The following FANCD2 variants were observed in gnomAD, a reference collection of about 807,000 sequenced individuals.
FANCD2 encodes FA complementation group D2, also known as Fanconi anemia group D2 protein.
FANCD2 carries 131 observed loss-of-function variants against 192.3 expected under a neutral mutation model. The ratio of observed to expected loss-of-function variants is 0.68; its 90% confidence interval spans 0.59 to 0.79. The LOEUF (loss-of-function observed/expected upper bound fraction) is 0.79. Ranked by LOEUF, FANCD2 falls within the 30% of genes least tolerant of loss-of-function variation. The pLI is 0.00. For missense variants in FANCD2, 1,508 were observed against 1,701.6 expected (o/e 0.89, Z 2.00); for synonymous variants, 524 against 612.5 (o/e 0.86, Z 2.13).
In FANCD2 at chr3:10,036,107, A is replaced by G. The variant is rs35017428; in HGVS notation, c.439-180A>G. Among the ~76,000 whole-genome samples, 12,533 of 91,998 alleles carry G rather than the reference A, an allele frequency of 0.14. 1,308 individuals carry two copies. Among genetic ancestry groups the G allele is most frequent in the African/African-American group, 0.26 (5,700 of 21,574 alleles). The allele number at this position is 91,998 out of a possible 152,430, so 60.4% of individuals were successfully genotyped here. A position where few individuals can be genotyped will look rare whatever the true frequency, so the allele number is the denominator to read the frequency against. On this transcript the variant is annotated intron_variant, in intron 6 of 43. Transcript: ENST00000675286. ...ATTTCTTTTTTTTTTTTTTTTTTTGAGTCAGAGTCTCCTTTGTCACCCAGG... is the reference window on the plus strand; with the variant it reads ...ATTTCTTTTTTTTTTTTTTTTTTTGGGTCAGAGTCTCCTTTGTCACCCAGG...
In FANCD2 at chr3:10,035,215, G is replaced by A; in HGVS notation, c.420G>A (p.Leu140=). The A allele has an allele frequency of 1.2e-6, 2 of 1,613,692 alleles. No individual in the cohort carries two copies. The highest frequency in any genetic ancestry group is 1.7e-6 in the Non-Finnish European group (2 of 1,179,762). Reference sequence around the variant, plus strand: ...CTAAGAGTCTCATCAAACTGCTTCTGGGGATTGACATACTGCAGGTAAGAC... The same window carrying A: ...CTAAGAGTCTCATCAAACTGCTTCTAGGGATTGACATACTGCAGGTAAGAC... ...SYSKSLIKLL[L]GIDILQPAII... The change falls in exon 6 of 44, where the codon CTG becomes CTA. Residue 140 remains leucine (L), a synonymous_variant. Transcript: ENST00000675286.
At position 10,092,471 on chromosome 3, in the gene FANCD2, C is replaced by T. The variant is rs535921825; in HGVS notation, c.3849+219C>T. 7.1e-4 allele frequency among the ~76,000 whole-genome samples: 108 copies of T among 151,348 alleles called. 1 individual carries two copies. The South Asian group carries it at 0.018, about 25-fold the overall frequency. ...TTTTCCTTCCTTCCTCCTACTTATG[C>T]CACAATACTATTTAATGACTCCTTC... On this transcript the variant is annotated intron_variant, in intron 38 of 43. Coordinates refer to ENST00000675286, the MANE Select transcript of FANCD2 (RefSeq NM_001018115.3).
In FANCD2 at chr3:10,087,116, T is replaced by A. The variant is rs189299621; in HGVS notation, c.3336-18T>A. 8 of 1,613,940 alleles carry A rather than the reference T, an allele frequency of 5.0e-6. No homozygotes were observed. In the East Asian group the frequency reaches 1.8e-4, roughly 36 times the overall value. On this transcript the variant is annotated intron_variant, in intron 33 of 43. Transcript: ENST00000675286. Reference sequence around the variant, plus strand: ...TAGGATACTATTGCATTTGTTTGTTTTTCTTGTCTCCTTACAGCCAGAGCG... The same window carrying A: ...TAGGATACTATTGCATTTGTTTGTTATTCTTGTCTCCTTACAGCCAGAGCG...
At chr3:10,090,528 C>G (rs535842006) in intron 37 of FANCD2, 143 bp downstream of exon 37, 4 of 571,798 alleles carry the variant, frequency 7.0e-6, no homozygotes, top group Admixed American at 5.7e-5. Context: ...GGCATGATCT[C>G]GGCTCACTGC....
intron 42 of FANCD2, 25 bp downstream of exon 42, chr3:10,096,497 T>A: frequency 6.2e-7 from 1 of 1,611,498 alleles, no homozygotes; most frequent in Non-Finnish European, 8.5e-7. Context: ...CTGCTAGTGA[T>A]AATCCCCTAC....
intron 15 of FANCD2, 54 bp downstream of exon 15, chr3:10,046,777 T>A (rs150415982): frequency 1.7e-6 from 2 of 1,156,232 alleles, no homozygotes; most frequent in East Asian, 5.1e-5. Context: ...TTTACAGCTC[T>A]CATGTAAAAT....
At chr3:10,086,586 A>G (rs1694220226) in intron 33 of FANCD2, among the ~76,000 whole-genome samples, 1 of 151,930 alleles carries the variant, frequency 6.6e-6, no homozygotes, top group Admixed American at 6.6e-5. Flanking sequence ...GGCTCAAGTG[A>G]TTGTACTGCC....
rs1446939132 is a variant in FANCD2, at chr3:10,085,795, T to C, written c.3225-17T>C. On this transcript the variant is annotated splice_polypyrimidine_tract_variant and intron_variant, in intron 32 of 43. Transcript: ENST00000675286. ...TTCCAGAAACTAAGCTAACCCCTCT[T>C]ACCTTGACTTCCTTAGGAGTGGATT... is the stretch of plus-strand genomic sequence containing the variant. 3.2e-6 allele frequency: 5 copies of C among 1,558,390 alleles called. No homozygotes were observed. The highest frequency in any genetic ancestry group is 4.4e-6 in the Non-Finnish European group (5 of 1,129,300).
intron 25 of FANCD2, 38 bp from the exon 26 acceptor site, chr3:10,067,171 A>C: frequency 7.8e-7 from 1 of 1,279,824 alleles, no homozygotes; most frequent in Non-Finnish European, 1.1e-6. Flanking sequence ...TAAAATCTGA[A>C]CATTTGGAAG....
intron 17 of FANCD2, among the ~76,000 whole-genome samples, chr3:10,050,483 C>T (rs1275945037): frequency 6.6e-6 from 1 of 151,834 alleles, no homozygotes; most frequent in Non-Finnish European, 1.5e-5. Context: ...ATTAGCCGGG[C>T]ATCGTGGCGG....
At chr3:10,075,245 C>T (rs1410267299) in intron 29 of FANCD2, among the ~76,000 whole-genome samples, 3 of 151,100 alleles carry the variant, frequency 2.0e-5, no homozygotes, top group Non-Finnish European at 2.9e-5. Flanking sequence ...TGCAGTGGCG[C>T]GGATCTCCAC....
At position 10,076,623 on chromosome 3, in the gene FANCD2, A is replaced by G. The variant is rs1329343605; in HGVS notation, c.2860-1458A>G. On this transcript the variant is annotated intron_variant, in intron 29 of 43. Coordinates refer to ENST00000675286, the MANE Select transcript of FANCD2 (RefSeq NM_001018115.3). ...AGTGGCAAGATCATAGCTCACTGCA[A>G]CCTTGAACTCCTGGGTTCAAGGATC... Among the ~76,000 whole-genome samples the G allele has an allele frequency of 6.6e-5, 10 of 152,000 alleles. No individual in the cohort carries two copies. In the East Asian group the frequency reaches 1.7e-3, roughly 26 times the overall value.
At chr3:10,028,551 T>G in intron 1 of FANCD2, 74 bp from the exon 2 acceptor site, 1 of 1,008,478 alleles carries the variant, frequency 9.9e-7, no homozygotes, top group South Asian at 1.3e-5. Flanking sequence ...AGAGCAGTTT[T>G]CTTTGAACAA....
chr3:10,046,437 T>C, intron 14 of FANCD2, 143 bp from the exon 15 acceptor site: 1 of 1,370,328 alleles, frequency 7.3e-7, no homozygotes. Flanking sequence ...TTGTGAAAAG[T>C]GTAGATACTC....
intron 20 of FANCD2, 143 bp downstream of exon 20, chr3:10,062,354 C>T: frequency 3.0e-6 from 2 of 673,232 alleles, no homozygotes; most frequent in Non-Finnish European, 5.3e-6. Context: ...GATTCTCCTG[C>T]CTCAGCCTCC....
intron 9 of FANCD2, chr3:10,040,350 T>C (rs982575424): frequency 1.3e-5 from 5 of 376,426 alleles, no homozygotes; most frequent in Non-Finnish European, 2.6e-5. Context: ...GTACTTTCTT[T>C]TAAATGGTAT....
chr3:10,051,550 C>A (rs1283310284), intron 17 of FANCD2, among the ~76,000 whole-genome samples: 1 of 151,928 alleles, frequency 6.6e-6, no homozygotes, highest in East Asian at 1.9e-4. Context: ...GGGTGGAAGC[C>A]AGAGAGCAGT....
chr3:10,036,145 GGT>G, intron 6 of FANCD2, 140 bp from the exon 7 acceptor site: 1 of 572,492 alleles, frequency 1.7e-6, no homozygotes, highest in South Asian at 1.7e-5. Flanking sequence ...GGAGTGGAGT[GGT>G]GCAATCTCGG....
intron 9 of FANCD2, 32 bp downstream of exon 9, chr3:10,039,877 G>T: frequency 1.2e-6 from 2 of 1,613,656 alleles, no homozygotes; most frequent in Non-Finnish European, 1.7e-6. Flanking sequence ...ATCTAAGTGA[G>T]GCTCAGCTAT....
Sources: allele counts gnomAD v4.1 joint callset (sites outside exome capture counted in the v4.1 genomes callset), GRCh38; gene constraint gnomAD v4.1.1; transcripts MANE v1.5; gene names NCBI Gene and HGNC (gene_info 2026-07-23, HGNC 2026-07-21).